The following CAMK1G variants were observed in gnomAD, a reference collection of about 807,000 sequenced individuals.
The protein encoded by CAMK1G is calcium/calmodulin-dependent protein kinase type 1G.
In CAMK1G, 27 loss-of-function variants were observed where a neutral mutation model predicts 54.8. The ratio of observed to expected loss-of-function variants is 0.49; its 90% CI spans 0.36 to 0.68. The LOEUF is 0.68. Ranked by LOEUF, CAMK1G falls within the 30% of genes least tolerant of loss-of-function variation. CAMK1G has a pLI of 0.00. For missense variants in CAMK1G, 512 were observed against 591.0 expected (o/e 0.87, Z 1.39); for synonymous variants, 238 against 224.9 (o/e 1.06, Z -0.52).
intron 1 of CAMK1G, among the ~76,000 whole-genome samples, chr1:209,590,866 T>C (rs2356934): frequency 0.95 from 143,982 of 152,242 alleles, 68,227 homozygotes; most frequent in East Asian, 1. Flanking sequence ...ATTTTTGATG[T>C]CCCCTGGAGA....
In CAMK1G at chr1:209,588,477, G is replaced by A. The variant is rs17014840; in HGVS notation, c.-30+4705G>A. 3.9e-3 allele frequency among the ~76,000 whole-genome samples: 599 copies of A among 152,270 alleles called. 1 individual carries two copies. The highest frequency in any genetic ancestry group is 0.014 in the African/African-American group (566 of 41,546). ...AAGACTCTGGATCACCTAATTAGGAGCGTAACAGTTTTAAGCTATTAGCCC... is the reference window on the plus strand; with the variant it reads ...AAGACTCTGGATCACCTAATTAGGAACGTAACAGTTTTAAGCTATTAGCCC... On this transcript the variant is annotated intron_variant, in intron 1 of 12. Coordinates refer to ENST00000361322, the MANE Select transcript of CAMK1G (RefSeq NM_020439.3).
chr1:209,605,808 T>G, intron 5 of CAMK1G, 134 bp downstream of exon 5: 1 of 824,148 alleles, frequency 1.2e-6, no homozygotes, highest in Non-Finnish European at 1.8e-6. Context: ...GCCCTTAGAT[T>G]CCTTAAACAG....
chr1:209,593,071 T>C (rs1201237271), intron 1 of CAMK1G, among the ~76,000 whole-genome samples: 1 of 152,270 alleles, frequency 6.6e-6, no homozygotes, highest in Admixed American at 6.5e-5. Context: ...ATTTAACCTT[T>C]ACCATATCTT....
At chr1:209,593,709 C>G (rs1465922337) in intron 1 of CAMK1G, among the ~76,000 whole-genome samples, 8 of 152,146 alleles carry the variant, frequency 5.3e-5, no homozygotes, top group African/African-American at 1.9e-4. Context: ...GTTCATCATT[C>G]TCTCCTTCAC....
rs375615742 is a variant in CAMK1G at position 209,599,440 on chromosome 1, A to G, written c.93-543A>G. On this transcript the variant is annotated intron_variant, in intron 2 of 12. Transcript: ENST00000361322. Reference sequence around the variant, plus strand: ...TTCTCCCATCTGCCTTCTCATTGCTATGTTCTCTGTAGATCTGTAGAGATA... The same window carrying G: ...TTCTCCCATCTGCCTTCTCATTGCTGTGTTCTCTGTAGATCTGTAGAGATA... Among the ~76,000 whole-genome samples, 9 of 152,326 alleles carry G rather than the reference A, an allele frequency of 5.9e-5. No individual in the cohort carries two copies. The South Asian group carries it at 1.4e-3, about 25-fold the overall frequency.
intron 1 of CAMK1G, among the ~76,000 whole-genome samples, chr1:209,593,733 G>T (rs938182979): frequency 6.6e-6 from 1 of 152,126 alleles, no homozygotes; most frequent in African/African-American, 2.4e-5. Flanking sequence ...CATCTGGCCC[G>T]AGCCACCATC....
At chr1:209,606,911 G>A (rs1480323298) in intron 6 of CAMK1G, among the ~76,000 whole-genome samples, 1 of 152,160 alleles carries the variant, frequency 6.6e-6, no homozygotes, top group Non-Finnish European at 1.5e-5. Flanking sequence ...GCTCCTAAAT[G>A]TCCACCCAAG....
chr1:209,603,179 C>A (rs763681428), intron 3 of CAMK1G, 35 bp from the exon 4 acceptor site: 8 of 1,610,992 alleles, frequency 5.0e-6, no homozygotes, highest in Non-Finnish European at 5.1e-6. Flanking sequence ...CAACCTGAAC[C>A]ACATACCTTT....
At chr1:209,585,109 C>T (rs889761375) in intron 1 of CAMK1G, among the ~76,000 whole-genome samples, 2 of 152,112 alleles carry the variant, frequency 1.3e-5, no homozygotes, top group Non-Finnish European at 2.9e-5. Context: ...GAACTTTCCA[C>T]GATGCTGCAG....
intron 1 of CAMK1G, among the ~76,000 whole-genome samples, chr1:209,589,101 T>C (rs186927756): frequency 9.9e-5 from 15 of 151,978 alleles, no homozygotes; most frequent in Admixed American, 9.8e-4. Flanking sequence ...CTGTGTGGAG[T>C]TACTTCCTAT....
chr1:209,588,252 A>C (rs7518521), intron 1 of CAMK1G, among the ~76,000 whole-genome samples: 99,866 of 152,090 alleles, frequency 0.66, 33,048 homozygotes, highest in African/African-American at 0.71. Flanking sequence ...CTGTCCCCAT[A>C]TCCTCTGGTT....
At chr1:209,607,659 G>T (rs1571785207) in intron 6 of CAMK1G, 199 bp from the exon 7 acceptor site, 2 of 525,462 alleles carry the variant, frequency 3.8e-6, no homozygotes, top group South Asian at 5.7e-5. Context: ...TAATGCAGAA[G>T]TCACAGTCTC....
At position 209,589,983 on chromosome 1, in the gene CAMK1G, C is replaced by T. The variant is rs549791082; in HGVS notation, c.-29-4972C>T. On this transcript the variant is annotated intron_variant, in intron 1 of 12. Transcript: ENST00000361322. ...TGAGGTGCCAGGCGCCTGAACCAGC[C>T]ACAAAGCCGACATCCTCCAAGTCTC... Among the ~76,000 whole-genome samples the T allele has an allele frequency of 5.1e-4, 77 of 152,268 alleles. 1 individual carries two copies. The highest frequency in any genetic ancestry group is 1.7e-3 in the African/African-American group (70 of 41,552).
intron 3 of CAMK1G, among the ~76,000 whole-genome samples, chr1:209,602,606 C>T (rs1197636372): frequency 6.6e-6 from 1 of 152,174 alleles, no homozygotes; most frequent in Non-Finnish European, 1.5e-5. Context: ...TGTGACAGGT[C>T]ACAGTCAAAA....
intron 1 of CAMK1G, among the ~76,000 whole-genome samples, chr1:209,586,819 T>C (rs957077152): frequency 6.6e-6 from 1 of 152,118 alleles, no homozygotes; most frequent in South Asian, 2.1e-4. Flanking sequence ...CAATGGCCCC[T>C]GTGTGTTGAC....
Position 209,612,139 on chromosome 1 carries a change from C to A in CAMK1G, c.1263C>A (p.Ser421Arg), listed in dbSNP as rs142776782. The A allele has an allele frequency of 8.7e-6, 14 of 1,614,048 alleles. No homozygotes were observed. In the African/African-American group the frequency reaches 1.7e-4, roughly 20 times the overall value. ...LAAGPCGCCS[S>R]CLNIGSKGKS... ...CCGGGCCCTGTGGCTGCTGCTCCAG[C>A]TGCCTGAACATTGGGAGCAAAGGAA... The change falls in exon 11 of 13, where the codon AGC (serine) becomes AGA (arginine). Residue 421 changes from serine to arginine, a missense_variant. Transcript: ENST00000361322.
Position 209,605,525 on chromosome 1 carries a change from T to G in CAMK1G, c.297-11T>G. ...GAGAACTGAATTCCTGTCTTGATCCTATGCCCACAGTGTTTCTGGTGGGGA... is the reference window on the plus strand; with the variant it reads ...GAGAACTGAATTCCTGTCTTGATCCGATGCCCACAGTGTTTCTGGTGGGGA... On this transcript the variant is annotated splice_polypyrimidine_tract_variant and intron_variant, in intron 4 of 12. Transcript: ENST00000361322. The G allele has an allele frequency of 6.2e-7, 1 of 1,613,338 alleles. No individual in the cohort carries two copies. Among genetic ancestry groups the G allele is most frequent in the Non-Finnish European group, 8.5e-7 (1 of 1,179,538 alleles).
chr1:209,604,327 A>G (rs908442975), intron 4 of CAMK1G, among the ~76,000 whole-genome samples: 2 of 152,186 alleles, frequency 1.3e-5, no homozygotes, highest in Non-Finnish European at 2.9e-5. Flanking sequence ...GGATTAGCAC[A>G]CAGTAATTCA....
Position 209,611,495 on chromosome 1 carries a change from C to T in CAMK1G, c.858C>T (p.Asp286=), listed in dbSNP as rs752095459. The T allele has an allele frequency of 5.6e-6, 9 of 1,614,042 alleles. No homozygotes were observed. The highest frequency in any genetic ancestry group is 1.6e-4 in the Middle Eastern group (1 of 6,084). The change falls in exon 10 of 13, where the codon GAC becomes GAT. Residue 286 remains aspartate (D), a synonymous_variant. Coordinates refer to ENST00000361322, the MANE Select transcript of CAMK1G (RefSeq NM_020439.3). ...ACGGAAACACAGCCCTCCACCGGGA[C>T]ATCTACCCATCAGTCAGCCTCCAGA... ...WIDGNTALHR[D]IYPSVSLQIQ... is the part of the protein sequence containing the mutation.
Sources: allele counts gnomAD v4.1 joint callset (sites outside exome capture counted in the v4.1 genomes callset), GRCh38; gene constraint gnomAD v4.1.1; transcripts MANE v1.5; gene names NCBI Gene and HGNC (gene_info 2026-07-23, HGNC 2026-07-21).